Variants in ZNF106 observed in about 807,000 individuals in gnomAD.
ZNF106 encodes the protein SH3-domain binding protein 3.
A neutral mutation model predicts 195.1 loss-of-function variants in ZNF106; 67 were observed. The observed-to-expected ratio is 0.34, with a 90% CI of 0.28 to 0.42. The LOEUF is 0.42. Ranked by LOEUF, ZNF106 falls within the 10% of genes least tolerant of loss-of-function variation. The probability of loss-of-function intolerance (pLI) is 1.00; values close to 1 mark genes in which losing one functional copy is unlikely to be tolerated. For missense variants in ZNF106, 2,118 were observed against 2,304.5 expected (o/e 0.92, Z 1.66); for synonymous variants, 784 against 818.6 (o/e 0.96, Z 0.72).
chr15:42,448,849 C>A (rs918308727), intron 5 of ZNF106, 144 bp from the exon 6 acceptor site: 1 of 728,214 alleles, frequency 1.4e-6, no homozygotes, highest in African/African-American at 1.8e-5. Context: ...ACAGTCTAGT[C>A]AGTGGTACAG....
rs138687260 is a variant in ZNF106 at position 42,445,958 on chromosome 15, G to A, written c.3205+631C>T. ...GAAGGGAGTGTGGAGGTGGGGCAGC[G>A]GGGAAGCAACCAAGATGCCTCAAAA... On this transcript the variant is annotated intron_variant, in intron 7 of 21. Transcript: ENST00000564754. 3.0e-3 allele frequency among the ~76,000 whole-genome samples: 462 copies of A among 152,238 alleles called. 2 individuals carry two copies. The highest frequency in any genetic ancestry group is 0.017 in the Middle Eastern group (5 of 292).
At chr15:42,434,026 T>G (rs1352529884) in intron 14 of ZNF106, among the ~76,000 whole-genome samples, 2 of 152,116 alleles carry the variant, frequency 1.3e-5, no homozygotes, top group Non-Finnish European at 2.9e-5. Flanking sequence ...TTTTTATTTT[T>G]TATAGAGACA....
At position 42,450,534 on chromosome 15, in the gene ZNF106, T is replaced by C; in HGVS notation, c.1738A>G (p.Lys580Glu). Residue 580 changes from lysine (K) to glutamate (E), a missense_variant, in exon 5 of 22, where the codon AAA (lysine) becomes GAA (glutamate). By Grantham distance (56) the Lys-to-Glu change is moderately conservative. Transcript: ENST00000564754. ...GCTTTTGCATAGTTCCTGGTACTTTTAGAAGTGCTAAGAAGTGGATTTTGC... is the reference window on the plus strand; with the variant it reads ...GCTTTTGCATAGTTCCTGGTACTTTCAGAAGTGCTAAGAAGTGGATTTTGC... ...SLQNPLLSTS[K>E]STRNYAKASR... 1.2e-6 allele frequency: 2 copies of C among 1,614,234 alleles called. No homozygotes were observed. The highest frequency in any genetic ancestry group is 8.5e-7 in the Non-Finnish European group (1 of 1,180,044).
rs200866264 is a variant in ZNF106 at position 42,448,530 on chromosome 15, C to G, written c.2677G>C (p.Ala893Pro). 4 of 1,614,008 alleles carry G rather than the reference C, an allele frequency of 2.5e-6. No individual in the cohort carries two copies. In the African/African-American group the frequency reaches 5.3e-5, roughly 22 times the overall value. Reference protein sequence around the residue: ...LSESSVIMDRAPSVYSFFSEE... With the variant: ...LSESSVIMDRPPSVYSFFSEE... The stretch of plus-strand genomic sequence containing the variant: ...CTGAAGAAGCTATACACAGAAGGAG[C>G]TCTGTCCATGATCACGCTGCTCTCA... The change falls in exon 6 of 22, where the codon GCT becomes CCT. Residue 893 changes from alanine (A) to proline (P), a missense_variant. Physicochemically the swap from Ala to Pro is conservative, Grantham distance 27 (BLOSUM62 -1). Coordinates refer to ENST00000564754, the MANE Select transcript of ZNF106 (RefSeq NM_001366845.3).
At chr15:42,429,734 G>C (rs1323480415) in intron 14 of ZNF106, among the ~76,000 whole-genome samples, 1 of 151,992 alleles carries the variant, frequency 6.6e-6, no homozygotes, top group African/African-American at 2.4e-5. Flanking sequence ...GATTCATGTT[G>C]CTTCCCATTA....
At chr15:42,453,980 T>A (rs1567020586) in intron 4 of ZNF106, among the ~76,000 whole-genome samples, 1 of 152,160 alleles carries the variant, frequency 6.6e-6, no homozygotes, top group Non-Finnish European at 1.5e-5. Flanking sequence ...AGAGCAGAGA[T>A]TTAATCCTTG....
chr15:42,440,886 G>A lies in ZNF106; in HGVS notation c.3764-1073C>T, dbSNP rs570120478. On this transcript the variant is annotated intron_variant, in intron 10 of 21. Transcript: ENST00000564754. ...TAATCCCAGCTATTCGGGAGGCTGA[G>A]ACAGGACAATCACTTGAACCTGGGA... Among the ~76,000 whole-genome samples, 334 of 147,490 alleles carry A rather than the reference G, an allele frequency of 2.3e-3. 1 individual carries two copies. The highest frequency in any genetic ancestry group is 7.9e-3 in the African/African-American group (317 of 40,018).
At chr15:42,467,238 A>T (rs1293351953) in intron 2 of ZNF106, among the ~76,000 whole-genome samples, 1 of 152,252 alleles carries the variant, frequency 6.6e-6, no homozygotes, top group African/African-American at 2.4e-5. Context: ...ATACACAGCC[A>T]GTATGCCATA....
rs142780090 is a variant in ZNF106 at position 42,437,041 on chromosome 15, A to T, written c.4746+191T>A. Among the ~76,000 whole-genome samples the T allele has an allele frequency of 1.7e-4, 26 of 152,334 alleles. No individual in the cohort carries two copies. The East Asian group carries it at 5.0e-3, about 29-fold the overall frequency. On this transcript the variant is annotated intron_variant, in intron 13 of 21. Transcript: ENST00000564754. ...GAAGAGGTGATACCAGAGAAGGCAG[A>T]GTAGGGAGACAAAAAGAAATTAAGT... is the stretch of plus-strand genomic sequence containing the variant.
intron 20 of ZNF106, 107 bp from the exon 21 acceptor site, chr15:42,418,058 C>A: frequency 1.7e-6 from 2 of 1,174,934 alleles, no homozygotes; most frequent in Non-Finnish European, 1.1e-6. Context: ...AAAAAGCCAG[C>A]CCCTTATTTC....
At chr15:42,435,327 A>T in intron 14 of ZNF106, 57 bp downstream of exon 14, 1 of 1,609,138 alleles carries the variant, frequency 6.2e-7, no homozygotes, top group East Asian at 2.2e-5. Flanking sequence ...CACTCCACAC[A>T]GTAAATACAA....
rs907979088 is a variant in ZNF106 at position 42,450,199 on chromosome 15, T to C, written c.2073A>G (p.Leu691=). The change falls in exon 5 of 22, where the codon CTA becomes CTG. Residue 691 remains leucine, a synonymous_variant. Transcript: ENST00000564754. ...SAASPHPGLL[L]DLKTSLEDAQ... is the part of the protein sequence containing the mutation. ...CATCTTCTAGAGAGGTTTTCAAGTC[T>C]AGCAATAAGCCAGGGTGTGGACTGG... 3 of 1,614,104 alleles carry C rather than the reference T, an allele frequency of 1.9e-6. No homozygotes were observed. Among genetic ancestry groups the C allele is most frequent in the African/African-American group, 2.7e-5 (2 of 74,932 alleles).
chr15:42,484,221 A>G (rs1396454241), intron 1 of ZNF106, among the ~76,000 whole-genome samples: 4 of 152,188 alleles, frequency 2.6e-5, no homozygotes, highest in Admixed American at 6.5e-5. Context: ...TTTTGTAATA[A>G]CCTTCTTATC....
intron 13 of ZNF106, among the ~76,000 whole-genome samples, chr15:42,436,592 T>C (rs1309152579): frequency 1.3e-5 from 2 of 152,328 alleles, no homozygotes; most frequent in East Asian, 1.9e-4. Flanking sequence ...TAAGCTTTCA[T>C]TGTTCATAAA....
At chr15:42,469,895 A>G (rs2056626010) in intron 2 of ZNF106, among the ~76,000 whole-genome samples, 2 of 151,876 alleles carry the variant, frequency 1.3e-5, no homozygotes, top group Admixed American at 1.3e-4. Flanking sequence ...GAAAGAAAAG[A>G]AAAAAGATCC....
Position 42,478,399 on chromosome 15 carries a change from T to C in ZNF106, c.-32-6078A>G, listed in dbSNP as rs545035572. ...GGTTGGTCTCAAACTCCTGACCTTG[T>C]GATCCACCTGCCTCGGCCTCCCAAA... On this transcript the variant is annotated intron_variant, in intron 1 of 21. Transcript: ENST00000564754. Among the ~76,000 whole-genome samples the C allele has an allele frequency of 6.6e-5, 10 of 152,130 alleles. No individual in the cohort carries two copies. In the South Asian group the frequency reaches 2.1e-3, roughly 32 times the overall value.
chr15:42,446,251 C>T (rs924378109), intron 7 of ZNF106, among the ~76,000 whole-genome samples: 2 of 152,276 alleles, frequency 1.3e-5, no homozygotes, highest in South Asian at 2.1e-4. Context: ...ACAAGCTATG[C>T]TCTGTGTCAA....
intron 1 of ZNF106, among the ~76,000 whole-genome samples, chr15:42,477,662 G>A (rs1467734067): frequency 1.3e-5 from 2 of 152,206 alleles, no homozygotes; most frequent in African/African-American, 4.8e-5. Context: ...GCTGAGGCAG[G>A]TGGATCACCT....
chr15:42,487,165 A>G (rs1404545898), intron 1 of ZNF106, among the ~76,000 whole-genome samples: 2 of 151,852 alleles, frequency 1.3e-5, no homozygotes, highest in Non-Finnish European at 2.9e-5. Context: ...AAAATAAAAT[A>G]AAATAAAATA....
Sources: gnomAD v4.1 joint callset for allele counts (sites outside exome capture counted in the v4.1 genomes callset) on GRCh38, gnomAD v4.1.1 for gene constraint, MANE v1.5 for transcripts, NCBI Gene and HGNC (gene_info 2026-07-23, HGNC 2026-07-21) for gene names.